The following ERC2 variants were observed in gnomAD, a reference collection of about 807,000 sequenced individuals.
The protein encoded by ERC2 is ELKS/RAB6-interacting/CAST family member 2, also known as ERC protein 2.
A neutral mutation model predicts 114.8 loss-of-function variants in ERC2; 42 were observed. The observed-to-expected ratio is 0.37, with a 90% CI of 0.29 to 0.47. The LOEUF is 0.47. Ranked by LOEUF, ERC2 falls within the 20% of genes least tolerant of loss-of-function variation. ERC2 has a pLI of 0.99. For missense variants in ERC2, 939 were observed against 1,150.7 expected, an observed-to-expected ratio of 0.82 and a Z score of 2.66; for synonymous variants, 454 against 425.5, an observed-to-expected ratio of 1.07 and a Z score of -0.82.
At chr3:55,816,010 T>C (rs1453944780) in intron 14 of ERC2, among the ~76,000 whole-genome samples, 1 of 152,246 alleles carries the variant, frequency 6.6e-6, no homozygotes, top group Admixed American at 6.5e-5. Context: ...CTGGCATTGG[T>C]GGAGGACTGC....
At chr3:55,677,132 G>A (rs1022470713) in intron 17 of ERC2, among the ~76,000 whole-genome samples, 2 of 152,222 alleles carry the variant, frequency 1.3e-5, no homozygotes, top group Admixed American at 1.3e-4. Flanking sequence ...TCATTAGCTC[G>A]CAATTAATTA....
rs539576240 is a variant in ERC2 at position 55,512,591 on chromosome 3, T to C, written c.*40-1315A>G. Among the ~76,000 whole-genome samples the C allele has an allele frequency of 5.3e-5, 8 of 152,340 alleles. No individual in the cohort carries two copies. The South Asian group carries it at 1.0e-3, about 20-fold the overall frequency. Reference sequence around the variant, plus strand: ...AGAGAAACCCTAAGTAGTATTAAAATGCACCAGTCTTTTGTTTTGTTTTGT... The same window carrying C: ...AGAGAAACCCTAAGTAGTATTAAAACGCACCAGTCTTTTGTTTTGTTTTGT... On this transcript the variant is annotated intron_variant, in intron 17 of 17. Transcript: ENST00000288221.
chr3:55,932,271 A>G (rs1394829670), intron 13 of ERC2, among the ~76,000 whole-genome samples: 1 of 152,214 alleles, frequency 6.6e-6, no homozygotes, highest in East Asian at 1.9e-4. Context: ...ATGTCTGTTA[A>G]AGTATTTTAA....
intron 13 of ERC2, among the ~76,000 whole-genome samples, chr3:55,931,661 T>C (rs1288639918): frequency 6.6e-6 from 1 of 151,846 alleles, no homozygotes; most frequent in African/African-American, 2.4e-5. Context: ...AGATGATGGG[T>C]TGATGGGTGC....
intron 4 of ERC2, among the ~76,000 whole-genome samples, chr3:56,159,198 C>A (rs977819231): frequency 3.3e-5 from 5 of 152,118 alleles, no homozygotes; most frequent in Non-Finnish European, 5.9e-5. Context: ...AGAAGCCAAG[C>A]AAATGCCAGC....
chr3:55,858,874 C>G (rs557993485), intron 14 of ERC2, among the ~76,000 whole-genome samples: 31 of 152,288 alleles, frequency 2.0e-4, no homozygotes, highest in Non-Finnish European at 4.0e-4. Flanking sequence ...TACTCACTTG[C>G]TGAGGTTGCA....
intron 7 of ERC2, among the ~76,000 whole-genome samples, chr3:56,049,229 C>T (rs986231553): frequency 3.9e-5 from 6 of 152,126 alleles, no homozygotes; most frequent in South Asian, 2.1e-4. Flanking sequence ...TGGGGGTGAG[C>T]GCATGCTAAG....
At chr3:56,433,930 A>G (rs999743595) in intron 2 of ERC2, 7 of 172,966 alleles carry the variant, frequency 4.0e-5, no homozygotes, top group Non-Finnish European at 7.5e-5. Flanking sequence ...CAAAATAAAA[A>G]TCAATTCACC....
chr3:55,851,260 G>A (rs1422092657), intron 14 of ERC2, among the ~76,000 whole-genome samples: 2 of 152,060 alleles, frequency 1.3e-5, no homozygotes, highest in African/African-American at 4.8e-5. Context: ...TACTGGCCTG[G>A]AGCAGGCTCC....
intron 16 of ERC2, among the ~76,000 whole-genome samples, chr3:55,690,053 G>A (rs557435807): frequency 2.0e-5 from 3 of 152,308 alleles, no homozygotes; most frequent in Admixed American, 6.5e-5. Context: ...AAAAGGATCT[G>A]ATGGGGTACA....
intron 11 of ERC2, among the ~76,000 whole-genome samples, chr3:55,991,406 G>T (rs1263966605): frequency 6.6e-6 from 1 of 152,138 alleles, no homozygotes; most frequent in African/African-American, 2.4e-5. Context: ...CTTATTTTTA[G>T]CATCCACACT....
intron 17 of ERC2, among the ~76,000 whole-genome samples, chr3:55,618,299 G>A (rs1432893406): frequency 6.6e-6 from 1 of 152,088 alleles, no homozygotes; most frequent in Non-Finnish European, 1.5e-5. Context: ...TTAAAGCAGG[G>A]TGAATGGGCA....
At chr3:56,299,096 G>GTTTTTTTTTGTTTTT (rs1258715646) in intron 2 of ERC2, among the ~76,000 whole-genome samples, 1 of 141,646 alleles carries the variant, frequency 7.1e-6, no homozygotes, top group Non-Finnish European at 1.5e-5. Context: ...TAGGTAGATA[G>GTTTTTTTTTGTTTTT]TTTTTTTTTG....
In ERC2 at chr3:55,720,267, A is replaced by C. The variant is rs868122819; in HGVS notation, c.2712+14504T>G. 1.0e-3 allele frequency among the ~76,000 whole-genome samples: 28 copies of C among 27,188 alleles called. 1 individual carries two copies. The highest frequency in any genetic ancestry group is 1.5e-3 in the Non-Finnish European group (22 of 14,320). The allele number at this position is 27,188 out of a possible 152,430, so 17.8% of individuals were successfully genotyped here. A position where few individuals can be genotyped will look rare whatever the true frequency, so the allele number is the denominator to read the frequency against. On this transcript the variant is annotated intron_variant, in intron 15 of 17. Coordinates refer to ENST00000288221, the MANE Select transcript of ERC2 (RefSeq NM_015576.3). ...TCTCTCTCTCTCTCTCTCTCTGTCT[A>C]TCTCTCTGCCCCTCCCTCCCTCCCT...
At chr3:55,678,532 A>G (rs553764844) in intron 17 of ERC2, among the ~76,000 whole-genome samples, 2 of 152,234 alleles carry the variant, frequency 1.3e-5, no homozygotes, top group South Asian at 4.2e-4. Context: ...TTCTTATTCT[A>G]TAACTACTGA....
chr3:55,675,322 C>T (rs1254523165), intron 17 of ERC2, among the ~76,000 whole-genome samples: 1 of 152,166 alleles, frequency 6.6e-6, no homozygotes. Context: ...CACCAGGTAG[C>T]CACCAGATGG....
At chr3:56,463,700 C>G (rs2063418149) in intron 1 of ERC2, among the ~76,000 whole-genome samples, 1 of 152,220 alleles carries the variant, frequency 6.6e-6, no homozygotes, top group South Asian at 2.1e-4. Context: ...CTTTCTTACT[C>G]TCTGGCCAAG....
intron 4 of ERC2, among the ~76,000 whole-genome samples, chr3:56,149,909 A>G (rs939483570): frequency 6.6e-6 from 1 of 152,192 alleles, no homozygotes; most frequent in African/African-American, 2.4e-5. Flanking sequence ...AAGGTAGAGC[A>G]TTAGAAACAA....
At chr3:56,443,839 A>G (rs1265362566) in intron 1 of ERC2, among the ~76,000 whole-genome samples, 1 of 152,000 alleles carries the variant, frequency 6.6e-6, no homozygotes, top group East Asian at 1.9e-4. Context: ...CCACCCACCT[A>G]TAAATGGGTT....
Sources: allele counts gnomAD v4.1 joint callset (sites outside exome capture counted in the v4.1 genomes callset), GRCh38; gene constraint gnomAD v4.1.1; transcripts MANE v1.5; gene names NCBI Gene and HGNC (gene_info 2026-07-23, HGNC 2026-07-21).